The following DNAI3 variants were observed in gnomAD, a reference collection of about 807,000 sequenced individuals.
DNAI3 encodes the protein dynein axonemal intermediate chain 3, also known as WD repeat domain 63.
A neutral mutation model predicts 115.5 loss-of-function variants in DNAI3; 83 were observed. That is an observed-to-expected ratio of 0.72 (90% CI 0.60 to 0.86). The LOEUF is 0.86. Among genes scored for constraint, DNAI3 ranks in the 40% least tolerant of loss-of-function variants. The pLI, the probability that DNAI3 is intolerant of heterozygous loss-of-function variation, is 0.00. For synonymous variants in DNAI3, 320 were observed against 347.0 expected, an observed-to-expected ratio of 0.92 and a Z score of 0.86; for missense variants, 1,004 against 1,075.8, an observed-to-expected ratio of 0.93 and a Z score of 0.93.
At chr1:85,084,434 G>A (rs1014041448) in intron 5 of DNAI3, 112 bp from the exon 6 acceptor site, 2 of 781,218 alleles carry the variant, frequency 2.6e-6, no homozygotes, top group Non-Finnish European at 3.4e-6. Context: ...AAGTAAAAAG[G>A]TGCTTAATGA....
chr1:85,065,684 C>G (rs1654076562), intron 1 of DNAI3, among the ~76,000 whole-genome samples: 1 of 152,092 alleles, frequency 6.6e-6, no homozygotes, highest in African/African-American at 2.4e-5. Context: ...CATGGCCTTC[C>G]CTAGCTGTGT....
chr1:85,129,998 T>C lies in DNAI3; in HGVS notation c.2418T>C (p.Ser806=). 2 of 1,612,618 alleles carry C rather than the reference T, an allele frequency of 1.2e-6. No homozygotes were observed. The highest frequency in any genetic ancestry group is 1.1e-5 in the South Asian group (1 of 90,504). Residue 806 remains serine (S), a synonymous_variant, in exon 22 of 23, where the codon AGT becomes AGC. Transcript: ENST00000294664. ...ACTTCTGTTTCTAACAGATGGCAAGTGTCAACCACTATTTTGAAAGAGAAG... is the reference window on the plus strand; with the variant it reads ...ACTTCTGTTTCTAACAGATGGCAAGCGTCAACCACTATTTTGAAAGAGAAG... The part of the protein sequence containing the change: ...LSRPSTNEMA[S]VNHYFEREVK...
chr1:85,115,598 G>A (rs10747316), intron 16 of DNAI3, among the ~76,000 whole-genome samples: 97,826 of 151,932 alleles, frequency 0.64, 31,787 homozygotes, highest in Admixed American at 0.74. Context: ...AGTTAATAAC[G>A]TTTTTCCCTA....
intron 1 of DNAI3, among the ~76,000 whole-genome samples, chr1:85,063,365 G>C (rs1275548056): frequency 6.6e-6 from 1 of 152,146 alleles, no homozygotes; most frequent in Non-Finnish European, 1.5e-5. Context: ...ATTCTCCAGA[G>C]AGGGAGGTGG....
intron 7 of DNAI3, among the ~76,000 whole-genome samples, chr1:85,087,531 A>G (rs1355260772): frequency 6.6e-6 from 1 of 151,272 alleles, no homozygotes; most frequent in Non-Finnish European, 1.5e-5. Flanking sequence ...CCACTGTGCC[A>G]TAATCACTTG....
chr1:85,122,842 G>A (rs903524680), intron 18 of DNAI3, among the ~76,000 whole-genome samples: 2 of 152,194 alleles, frequency 1.3e-5, no homozygotes, highest in Non-Finnish European at 2.9e-5. Flanking sequence ...CATGCCTGGG[G>A]CATAGGGTTG....
chr1:85,113,656 A>G (rs1655723057), intron 16 of DNAI3, among the ~76,000 whole-genome samples: 1 of 151,702 alleles, frequency 6.6e-6, no homozygotes, highest in Admixed American at 6.6e-5. Flanking sequence ...TTTTTTTCAA[A>G]GTAGTTTTTG....
At chr1:85,069,369 G>A (rs2165076) in intron 1 of DNAI3, among the ~76,000 whole-genome samples, 124,488 of 151,806 alleles carry the variant, frequency 0.82, 51,809 homozygotes, top group South Asian at 0.9. Flanking sequence ...TAAAATACTA[G>A]TTATATTTTC....
chr1:85,072,783 G>A (rs968991560), intron 2 of DNAI3, among the ~76,000 whole-genome samples: 39 of 151,526 alleles, frequency 2.6e-4, no homozygotes, highest in African/African-American at 8.9e-4. Context: ...GTGAAACCCC[G>A]TCTCTACTAA....
intron 16 of DNAI3, among the ~76,000 whole-genome samples, chr1:85,113,043 A>G (rs1093461): frequency 0.12 from 18,970 of 152,250 alleles, 1,551 homozygotes; most frequent in African/African-American, 0.23. Flanking sequence ...TTCCAGGATT[A>G]TGGATGTGAG....
At chr1:85,118,054 T>G (rs1174019900) in intron 17 of DNAI3, among the ~76,000 whole-genome samples, 195 bp downstream of exon 17, 1 of 152,228 alleles carries the variant, frequency 6.6e-6, no homozygotes, top group African/African-American at 2.4e-5. Flanking sequence ...CCTGAACGTA[T>G]GTGGACAAAT....
At chr1:85,127,849 TTACACCTCTAATCCC>T (rs1656194561) in intron 20 of DNAI3, among the ~76,000 whole-genome samples, 1 of 151,860 alleles carries the variant, frequency 6.6e-6, no homozygotes, top group Non-Finnish European at 1.5e-5. Flanking sequence ...GCATGGTGGC[TTACACCTCTAATCCC>T]AGCACTTTGG....
Position 85,127,951 on chromosome 1 carries a change from C to G in DNAI3, c.2318-757C>G, listed in dbSNP as rs113042031. Reference sequence around the variant, plus strand: ...CTGAGCAACATGGCCAAGACCCTGTCTCTACAAAAAATACAAAACAAAAAT... The same window carrying G: ...CTGAGCAACATGGCCAAGACCCTGTGTCTACAAAAAATACAAAACAAAAAT... On this transcript the variant is annotated intron_variant, in intron 20 of 22. Coordinates refer to ENST00000294664, the MANE Select transcript of DNAI3 (RefSeq NM_145172.5). Among the ~76,000 whole-genome samples the G allele has an allele frequency of 7.1e-3, 1,081 of 151,758 alleles. 15 individuals are homozygous for G. The highest frequency in any genetic ancestry group is 0.024 in the African/African-American group (1,007 of 41,392).
intron 14 of DNAI3, among the ~76,000 whole-genome samples, chr1:85,106,941 G>T (rs1655506047): frequency 6.6e-6 from 1 of 152,110 alleles, no homozygotes; most frequent in South Asian, 2.1e-4. Context: ...AGAAAACATA[G>T]TCACGTATCT....
intron 11 of DNAI3, 48 bp downstream of exon 11, chr1:85,096,068 T>A: frequency 7.0e-6 from 11 of 1,561,714 alleles, no homozygotes; most frequent in Non-Finnish European, 9.7e-6. Flanking sequence ...AGACAACCTT[T>A]GGTAATAAGT....
intron 7 of DNAI3, among the ~76,000 whole-genome samples, chr1:85,087,434 C>CAAAAAA (rs1162431713): frequency 8.8e-4 from 41 of 46,526 alleles, no homozygotes; most frequent in Admixed American, 9.8e-4. Flanking sequence ...GACTCCATCT[C>CAAAAAA]AAAAAAAAAA....
chr1:85,096,480 T>C (rs199620533), intron 11 of DNAI3, among the ~76,000 whole-genome samples: 2 of 131,234 alleles, frequency 1.5e-5, no homozygotes, highest in African/African-American at 2.6e-5. Context: ...ATAGATAGAT[T>C]ATATATATAT....
At chr1:85,097,701 A>G (rs1655165465) in intron 12 of DNAI3, 46 bp downstream of exon 12, 2 of 1,534,484 alleles carry the variant, frequency 1.3e-6, no homozygotes, top group African/African-American at 1.4e-5. Context: ...TCCATTGAAG[A>G]GTTTATGGAA....
At chr1:85,116,385 G>T (rs1030926252) in intron 16 of DNAI3, among the ~76,000 whole-genome samples, 3 of 152,138 alleles carry the variant, frequency 2.0e-5, no homozygotes, top group Admixed American at 2.0e-4. Flanking sequence ...TTCATTATCA[G>T]TTGTAACCCT....
Sources: gnomAD v4.1 joint callset for allele counts (sites outside exome capture counted in the v4.1 genomes callset) on GRCh38, gnomAD v4.1.1 for gene constraint, MANE v1.5 for transcripts, NCBI Gene and HGNC (gene_info 2026-07-23, HGNC 2026-07-21) for gene names.